Variants in DRGX observed in about 807,000 individuals in gnomAD.
The protein encoded by DRGX is dorsal root ganglia homeobox protein.
DRGX carries 21 observed loss-of-function variants against 28.6 expected under a neutral mutation model. The observed-to-expected ratio is 0.73, with a 90% confidence interval of 0.52 to 1.06. The LOEUF is 1.06. Ranked by LOEUF, DRGX falls within the 50% of genes least tolerant of loss-of-function variation. DRGX has a pLI of 0.00. For missense variants in DRGX, 354 were observed against 343.9 expected (o/e 1.03, Z -0.23); for synonymous variants, 136 against 139.1 (o/e 0.98, Z 0.16).
At chr10:49,370,241 C>T (rs921443922) in intron 6 of DRGX, among the ~76,000 whole-genome samples, 2 of 152,126 alleles carry the variant, frequency 1.3e-5, no homozygotes, top group Non-Finnish European at 2.9e-5. Flanking sequence ...CCCGTCTCTA[C>T]TAAAAATACA....
At chr10:49,370,863 A>T (rs1444622185) in intron 6 of DRGX, among the ~76,000 whole-genome samples, 1 of 152,234 alleles carries the variant, frequency 6.6e-6, no homozygotes, top group Non-Finnish European at 1.5e-5. Context: ...CTTCACAGTA[A>T]CTTCACTGCC....
chr10:49,371,088 A>G (rs541624905), intron 6 of DRGX, among the ~76,000 whole-genome samples: 3 of 152,304 alleles, frequency 2.0e-5, no homozygotes, highest in African/African-American at 7.2e-5. Context: ...AACAACCAGC[A>G]TCTCCCTTGA....
intron 6 of DRGX, among the ~76,000 whole-genome samples, chr10:49,380,370 C>T (rs542095215): frequency 2.6e-5 from 4 of 152,300 alleles, no homozygotes; most frequent in East Asian, 1.9e-4. Context: ...AGCACTTCTC[C>T]GGAACAAACC....
At chr10:49,378,185 A>T (rs1849735863) in intron 6 of DRGX, among the ~76,000 whole-genome samples, 1 of 152,218 alleles carries the variant, frequency 6.6e-6, no homozygotes, top group African/African-American at 2.4e-5. Context: ...AATTTTTAAA[A>T]ATGATAAGAT....
At chr10:49,392,380 C>T (rs1849915886) in intron 2 of DRGX, among the ~76,000 whole-genome samples, 2 of 152,256 alleles carry the variant, frequency 1.3e-5, no homozygotes, top group African/African-American at 4.8e-5. Flanking sequence ...CTTTGCCAAA[C>T]ACCCTGACTC....
chr10:49,394,410 C>T (rs1237798303), intron 2 of DRGX, among the ~76,000 whole-genome samples: 2 of 152,228 alleles, frequency 1.3e-5, no homozygotes, highest in Admixed American at 6.5e-5. Flanking sequence ...TCTCCCACAA[C>T]TACTTGGCTT....
intron 6 of DRGX, among the ~76,000 whole-genome samples, chr10:49,378,189 A>G (rs1412195377): frequency 1.3e-5 from 2 of 152,176 alleles, no homozygotes; most frequent in Non-Finnish European, 2.9e-5. Context: ...TTTAAAAATG[A>G]TAAGATAAAA....
chr10:49,368,529 C>T (rs1312048937), intron 6 of DRGX, among the ~76,000 whole-genome samples: 2 of 152,268 alleles, frequency 1.3e-5, no homozygotes, highest in Admixed American at 1.3e-4. Context: ...TGACACCAGT[C>T]ACTGAGAGAC....
chr10:49,391,755 A>T, intron 2 of DRGX: 1 of 475,502 alleles, frequency 2.1e-6, no homozygotes, highest in Admixed American at 2.3e-5. Flanking sequence ...GAAAGAAAAC[A>T]CCAAGAGCTT....
At chr10:49,394,773 G>A (rs1849947292) in intron 2 of DRGX, among the ~76,000 whole-genome samples, 1 of 151,912 alleles carries the variant, frequency 6.6e-6, no homozygotes, top group Admixed American at 6.5e-5. Context: ...TCTGGCCTGG[G>A]GAGTGGGGAG....
intron 2 of DRGX, among the ~76,000 whole-genome samples, chr10:49,393,090 G>GA (rs35355052): frequency 0.011 from 1,625 of 147,856 alleles, 15 homozygotes; most frequent in Middle Eastern, 0.024. Flanking sequence ...TGCCAAAATA[G>GA]AAAAAAAAAG....
At chr10:49,385,659 C>G (rs1471053195) in intron 6 of DRGX, among the ~76,000 whole-genome samples, 1 of 152,112 alleles carries the variant, frequency 6.6e-6, no homozygotes, top group East Asian at 1.9e-4. Context: ...GTTAGCAGAA[C>G]ATGCAGGGGA....
chr10:49,370,234 G>A (rs777113981), intron 6 of DRGX, among the ~76,000 whole-genome samples: 1 of 152,084 alleles, frequency 6.6e-6, no homozygotes, highest in Non-Finnish European at 1.5e-5. Flanking sequence ...GTGAAATCCC[G>A]TCTCTACTAA....
intron 4 of DRGX, 46 bp downstream of exon 4, chr10:49,390,087 G>C: frequency 6.5e-7 from 1 of 1,534,294 alleles, no homozygotes; most frequent in Non-Finnish European, 8.8e-7. Flanking sequence ...AAAAAAGTTT[G>C]CCAGTTTTAA....
In DRGX at chr10:49,365,851, C is replaced by G. The variant is rs1849591996; in HGVS notation, c.*265G>C. 2.8e-6 allele frequency: 1 copy of G among 352,686 alleles called. No homozygotes were observed. The highest frequency in any genetic ancestry group is 1.4e-4 in the South Asian group (1 of 7,002). 21.8% of individuals were successfully genotyped at this position (352,686 alleles called of 1,614,324 possible). On this transcript the variant is annotated 3_prime_UTR_variant, in exon 7 of 7. Transcript: ENST00000374139. ...GGCCTGGATGGAAATCCCAGGGAGG[C>G]TCCTCACAGAGAGGGCTCTGCTGCC...
At chr10:49,375,328 C>T (rs980976112) in intron 6 of DRGX, among the ~76,000 whole-genome samples, 2 of 152,114 alleles carry the variant, frequency 1.3e-5, no homozygotes. Flanking sequence ...CATTTTGGTA[C>T]AAAGTAAACA....
intron 6 of DRGX, among the ~76,000 whole-genome samples, chr10:49,383,688 C>T (rs943172226): frequency 4.6e-5 from 7 of 152,220 alleles, no homozygotes; most frequent in South Asian, 2.1e-4. Context: ...GAGGGCGGAG[C>T]TCTCGTGAAT....
intron 6 of DRGX, among the ~76,000 whole-genome samples, chr10:49,367,067 T>C (rs1217416212): frequency 1.3e-5 from 2 of 152,260 alleles, no homozygotes; most frequent in Admixed American, 6.5e-5. Context: ...TATTTAAAAA[T>C]GAAAGCAGTC....
intron 4 of DRGX, among the ~76,000 whole-genome samples, chr10:49,389,786 G>A (rs941964007): frequency 1.3e-5 from 2 of 151,934 alleles, no homozygotes; most frequent in Admixed American, 1.3e-4. Context: ...CCTTACCCCA[G>A]AGCGGTCAGA....
Sources: allele counts gnomAD v4.1 joint callset (sites outside exome capture counted in the v4.1 genomes callset), GRCh38; gene constraint gnomAD v4.1.1; transcripts MANE v1.5; gene names NCBI Gene and HGNC (gene_info 2026-07-23, HGNC 2026-07-21).